The following ATRNL1 variants were observed in gnomAD, a reference collection of about 807,000 sequenced individuals.
ATRNL1 encodes attractin like 1, also known as attractin-like protein 1.
In ATRNL1, 95 loss-of-function variants were observed where a neutral mutation model predicts 182.7. That is an observed-to-expected ratio of 0.52 (90% CI 0.44 to 0.62). The LOEUF (loss-of-function observed/expected upper bound fraction) is 0.62. Ranked by LOEUF, ATRNL1 falls within the 20% of genes least tolerant of loss-of-function variation. The pLI is 0.00. For synonymous variants in ATRNL1, 576 were observed against 568.3 expected, an observed-to-expected ratio of 1.01 and a Z score of -0.19; for missense variants, 1,471 against 1,679.5, an observed-to-expected ratio of 0.88 and a Z score of 2.17.
At chr10:115,868,958 T>TAGCTGGGA (rs1455169813) in intron 28 of ATRNL1, among the ~76,000 whole-genome samples, 5 of 150,084 alleles carry the variant, frequency 3.3e-5, no homozygotes, top group African/African-American at 1.2e-4. Context: ...GCCGCCCGAG[T>TAGCTGGGA]AGCTGGGAGT....
intron 27 of ATRNL1, among the ~76,000 whole-genome samples, chr10:115,751,103 G>C (rs1948435545): frequency 1.3e-5 from 2 of 152,002 alleles, no homozygotes; most frequent in Admixed American, 6.6e-5. Context: ...TAATCACAAA[G>C]GTCCTTACCA....
At chr10:115,355,463 A>G (rs1856462593) in intron 19 of ATRNL1, among the ~76,000 whole-genome samples, 1 of 152,058 alleles carries the variant, frequency 6.6e-6, no homozygotes, top group South Asian at 2.1e-4. Flanking sequence ...TTATCAGGCA[A>G]AGTCCCTTTC....
At chr10:115,440,550 T>C (rs1167614158) in intron 21 of ATRNL1, among the ~76,000 whole-genome samples, 1 of 151,900 alleles carries the variant, frequency 6.6e-6, no homozygotes, top group Non-Finnish European at 1.5e-5. Flanking sequence ...TCATTAACCC[T>C]ACTTGTTTTC....
chr10:115,221,275 T>C (rs1238437711), intron 9 of ATRNL1, among the ~76,000 whole-genome samples: 3 of 152,188 alleles, frequency 2.0e-5, no homozygotes, highest in African/African-American at 7.2e-5. Flanking sequence ...CCTGGGATTA[T>C]ATTGTATAGG....
intron 21 of ATRNL1, among the ~76,000 whole-genome samples, chr10:115,435,014 T>C (rs1361370898): frequency 6.6e-6 from 1 of 151,712 alleles, no homozygotes; most frequent in African/African-American, 2.4e-5. Context: ...ATTTTAACAG[T>C]ATTAAAACCT....
At chr10:115,689,337 A>G (rs1946317931) in intron 26 of ATRNL1, among the ~76,000 whole-genome samples, 1 of 152,108 alleles carries the variant, frequency 6.6e-6, no homozygotes, top group Non-Finnish European at 1.5e-5. Context: ...ATGCATTATT[A>G]GATTGTTTAT....
intron 26 of ATRNL1, among the ~76,000 whole-genome samples, chr10:115,713,704 TCATCTATCTATC>T (rs1210748733): frequency 1.7e-4 from 8 of 48,224 alleles, no homozygotes; most frequent in Admixed American, 4.0e-4. Flanking sequence ...TATCTATCTA[TCATCTATCTATC>T]TATCTATCTA....
chr10:115,858,769 A>G, intron 28 of ATRNL1, among the ~76,000 whole-genome samples: 1 of 152,182 alleles, frequency 6.6e-6, no homozygotes, highest in East Asian at 1.9e-4. Flanking sequence ...CATGGTTTAT[A>G]TAAAACTGCC....
intron 27 of ATRNL1, among the ~76,000 whole-genome samples, chr10:115,769,580 C>T (rs1486599306): frequency 1.3e-5 from 2 of 152,170 alleles, no homozygotes; most frequent in East Asian, 3.9e-4. Context: ...ATTGTAGTAA[C>T]GGGCTATGCT....
intron 26 of ATRNL1, among the ~76,000 whole-genome samples, chr10:115,574,021 G>GCTTTAAGTGTATGT: frequency 6.6e-6 from 1 of 152,118 alleles, no homozygotes; most frequent in Non-Finnish European, 1.5e-5. Flanking sequence ...CTAAACTTCT[G>GCTTTAAGTGTATGT]TAAACCACTT....
At chr10:115,534,976 C>A (rs577652647) in intron 25 of ATRNL1, among the ~76,000 whole-genome samples, 1 of 152,144 alleles carries the variant, frequency 6.6e-6, no homozygotes, top group East Asian at 1.9e-4. Flanking sequence ...CTGAGAGATC[C>A]GCTGTTAGTC....
At chr10:115,123,220 A>G (rs1212044912) in intron 3 of ATRNL1, among the ~76,000 whole-genome samples, 2 of 152,176 alleles carry the variant, frequency 1.3e-5, no homozygotes, top group Non-Finnish European at 2.9e-5. Context: ...ATGTTTATTG[A>G]TATTGAATAT....
At chr10:115,192,499 CT>C (rs200293746) in intron 8 of ATRNL1, among the ~76,000 whole-genome samples, 1,532 of 152,080 alleles carry the variant, frequency 0.01, 21 homozygotes, top group Non-Finnish European at 0.012. Context: ...ACTATTATGG[CT>C]TTGTAATATA....
intron 27 of ATRNL1, among the ~76,000 whole-genome samples, chr10:115,798,100 G>A (rs914682218): frequency 5.3e-5 from 8 of 151,944 alleles, no homozygotes; most frequent in East Asian, 1.9e-4. Flanking sequence ...TGTATTTTTC[G>A]TAGAGACGGG....
intron 26 of ATRNL1, among the ~76,000 whole-genome samples, chr10:115,649,403 T>A (rs2133876873): frequency 6.6e-6 from 1 of 152,292 alleles, no homozygotes; most frequent in South Asian, 2.1e-4. Context: ...TTATTTATGT[T>A]ATTGCTAGAG....
intron 28 of ATRNL1, among the ~76,000 whole-genome samples, chr10:115,886,353 A>G (rs1388265276): frequency 1.3e-5 from 2 of 152,324 alleles, no homozygotes; most frequent in Non-Finnish European, 2.9e-5. Context: ...CGTCTCTACT[A>G]AAAATACAAA....
chr10:115,366,849 C>A (rs1411169156), intron 19 of ATRNL1, among the ~76,000 whole-genome samples: 1 of 144,830 alleles, frequency 6.9e-6, no homozygotes, highest in Non-Finnish European at 1.5e-5. Context: ...TATTGGCCCC[C>A]ACTCTCTTCT....
At chr10:115,281,225 A>G (rs892155459) in intron 13 of ATRNL1, 130 bp from the exon 14 acceptor site, 9 of 708,420 alleles carry the variant, frequency 1.3e-5, no homozygotes, top group Non-Finnish European at 1.9e-5. Context: ...GGAGAGTCTG[A>G]TTCAGTTGAA....
chr10:115,246,119 T>C (rs1412123915), intron 10 of ATRNL1, among the ~76,000 whole-genome samples: 2 of 152,194 alleles, frequency 1.3e-5, no homozygotes, highest in Non-Finnish European at 2.9e-5. Context: ...TCAACAGTGC[T>C]TGGCATGTCA....
Sources: allele counts gnomAD v4.1 joint callset (sites outside exome capture counted in the v4.1 genomes callset), GRCh38; gene constraint gnomAD v4.1.1; transcripts MANE v1.5; gene names NCBI Gene and HGNC (gene_info 2026-07-23, HGNC 2026-07-21).